Variants in TIPARP observed in about 807,000 individuals in gnomAD.
The protein encoded by TIPARP is protein mono-ADP-ribosyltransferase TIPARP.
A neutral mutation model predicts 56.5 loss-of-function variants in TIPARP; 12 were observed. The observed-to-expected ratio is 0.21, with a 90% CI of 0.14 to 0.34. The LOEUF (loss-of-function observed/expected upper bound fraction) is 0.34, where lower values mean the gene tolerates loss of function less well. Among genes scored for constraint, TIPARP ranks in the 10% least tolerant of loss-of-function variants. TIPARP has a pLI of 1.00. For synonymous variants in TIPARP, 296 were observed against 265.7 expected (o/e 1.11, Z -1.11); for missense variants, 604 against 781.6 (o/e 0.77, Z 2.71).
rs1013702284 is a variant in TIPARP, at chr3:156,694,185, C to G, written c.1083C>G (p.Pro361=). ...CRDHFGWREY[P]ESVIRLIEEA... is the part of the protein sequence containing the mutation. The stretch of plus-strand genomic sequence containing the variant: ...ACCACTTTGGATGGAGAGAGTATCC[C>G]GAGGTATTTACAGATTCTTTGTTGA... Residue 361 remains proline (P), a synonymous_variant, in exon 3 of 6, where the codon CCC becomes CCG. Coordinates refer to ENST00000295924, the MANE Select transcript of TIPARP (RefSeq NM_015508.5). 1 of 1,587,906 alleles carries G rather than the reference C, an allele frequency of 6.3e-7. No homozygotes were observed.
intron 4 of TIPARP, among the ~76,000 whole-genome samples, chr3:156,702,602 A>G (rs1722879745): frequency 6.6e-6 from 1 of 152,228 alleles, no homozygotes; most frequent in East Asian, 1.9e-4. Context: ...ACTAGGTCTC[A>G]GGGTCAGGAT....
At chr3:156,695,826 CT>C (rs10631452) in intron 3 of TIPARP, 38 bp from the exon 4 acceptor site, 6,038 of 1,015,362 alleles carry the variant, frequency 5.9e-3, no homozygotes, top group East Asian at 0.013. Flanking sequence ...ATTAACTTTC[CT>C]TTTTTTTTTT....
intron 2 of TIPARP, among the ~76,000 whole-genome samples, chr3:156,686,921 A>G (rs989083149): frequency 2.0e-5 from 3 of 152,108 alleles, no homozygotes; most frequent in East Asian, 1.9e-4. Flanking sequence ...GTCAAAGTCT[A>G]TATTCAAAAA....
chr3:156,694,055 A>G lies in TIPARP; in HGVS notation c.953A>G (p.Asn318Ser). The change falls in exon 3 of 6, where the codon AAC (asparagine) becomes AGC (serine). Residue 318 changes from asparagine (N) to serine (S), a missense_variant. Coordinates refer to ENST00000295924, the MANE Select transcript of TIPARP (RefSeq NM_015508.5). Reference sequence around the variant, plus strand: ...TTTTGGGCAGATTTGAATGCCATGAACGTGTATGAAACAACTGAATTTGAC... The same window carrying G: ...TTTTGGGCAGATTTGAATGCCATGAGCGTGTATGAAACAACTGAATTTGAC... ...QEFWADLNAM[N>S]VYETTEFDQL... 1 of 1,612,384 alleles carries G rather than the reference A, an allele frequency of 6.2e-7. No homozygotes were observed. The highest frequency in any genetic ancestry group is 8.5e-7 in the Non-Finnish European group (1 of 1,179,314).
At chr3:156,693,997 T>G (rs759878811) in intron 2 of TIPARP, 23 bp from the exon 3 acceptor site, 1 of 1,570,490 alleles carries the variant, frequency 6.4e-7, no homozygotes, top group Admixed American at 2.1e-5. Flanking sequence ...TTTTGGGTTT[T>G]TTTTGTTTTT....
At position 156,677,784 on chromosome 3, in the gene TIPARP, C is replaced by G; in HGVS notation, c.87C>G (p.Leu29=). The G allele has an allele frequency of 3.7e-6, 6 of 1,614,106 alleles. No homozygotes were observed. Among genetic ancestry groups the G allele is most frequent in the Non-Finnish European group, 5.1e-6 (6 of 1,180,024 alleles). ...ATGACTTTTCATGCCAAATGAGACT[C>G]TCTGAGAAGATCACTCCATTGAAGA... is the stretch of plus-strand genomic sequence containing the variant. The part of the protein sequence containing the change: ...PPDDFSCQMR[L]SEKITPLKTC... Residue 29 remains leucine, a synonymous_variant, in exon 2 of 6, where the codon CTC becomes CTG. Transcript: ENST00000295924.
chr3:156,682,513 C>A (rs1006888972), intron 2 of TIPARP, among the ~76,000 whole-genome samples: 11 of 152,108 alleles, frequency 7.2e-5, no homozygotes, highest in African/African-American at 2.4e-4. Context: ...CACAGAAACT[C>A]TATATAAAAG....
intron 2 of TIPARP, 129 bp from the exon 3 acceptor site, chr3:156,693,891 A>G (rs894740819): frequency 9.3e-6 from 10 of 1,076,324 alleles, no homozygotes; most frequent in Non-Finnish European, 1.3e-5. Context: ...CTCCAAGTAA[A>G]GCAAGTTTTG....
At chr3:156,684,763 A>T (rs1722391380) in intron 2 of TIPARP, among the ~76,000 whole-genome samples, 1 of 152,174 alleles carries the variant, frequency 6.6e-6, no homozygotes. Context: ...AAAACTAAAT[A>T]GGGCTTATTT....
Position 156,678,190 on chromosome 3 carries a change from C to T in TIPARP, c.493C>T (p.His165Tyr). Residue 165 changes from histidine (H) to tyrosine (Y), a missense_variant, in exon 2 of 6, where the codon CAC becomes TAC. Physicochemically the swap from His to Tyr is moderately conservative, Grantham distance 83 (BLOSUM62 2). This residue lies in a region of TIPARP where 261 missense variants were observed against 279.2 expected (regional missense o/e 0.93). Coordinates refer to ENST00000295924, the MANE Select transcript of TIPARP (RefSeq NM_015508.5). The stretch of plus-strand genomic sequence containing the variant: ...AGCTCACTTCCAGACTGATCTTTTG[C>T]ACCCAGTTTCAAGTGATGTTCCTAC... ...TPAHFQTDLL[H>Y]PVSSDVPTSP... 1 of 1,614,120 alleles carries T rather than the reference C, an allele frequency of 6.2e-7. No individual in the cohort carries two copies. Among genetic ancestry groups the T allele is most frequent in the Non-Finnish European group, 8.5e-7 (1 of 1,180,040 alleles).
intron 2 of TIPARP, among the ~76,000 whole-genome samples, chr3:156,682,517 AT>A (rs1722333620): frequency 6.6e-6 from 1 of 152,232 alleles, no homozygotes; most frequent in African/African-American, 2.4e-5. Context: ...GAAACTCTAT[AT>A]AAAAGAGAAA....
chr3:156,693,418 C>A (rs2108493914), intron 2 of TIPARP, among the ~76,000 whole-genome samples: 1 of 152,218 alleles, frequency 6.6e-6, no homozygotes, highest in South Asian at 2.1e-4. Flanking sequence ...CAAAGCTAAA[C>A]CTCATAATAA....
Position 156,674,671 on chromosome 3 carries a change from G to GCGCGGCTCGCCGCGT in TIPARP, c.-158_-144dup, listed in dbSNP as rs1185875062. On this transcript the variant is annotated 5_prime_UTR_variant, in exon 1 of 6. Coordinates refer to ENST00000295924, the MANE Select transcript of TIPARP (RefSeq NM_015508.5). ...CGTTCGCGGCGGCGGAATGGCCCGTGCGCGGCTCGCCGCGTCGCGGCTCTG... is the reference window on the plus strand; with the variant it reads ...CGTTCGCGGCGGCGGAATGGCCCGTGCGCGGCTCGCCGCGTCGCGGCTCGCCGCGTCGCGGCTCTG... 1.3e-5 allele frequency: 2 copies of GCGCGGCTCGCCGCGT among 152,582 alleles called. No individual in the cohort carries two copies. Among genetic ancestry groups the GCGCGGCTCGCCGCGT allele is most frequent in the African/African-American group, 2.4e-5 (1 of 41,466 alleles). 9.5% of individuals were successfully genotyped at this position (152,582 alleles called of 1,614,324 possible). A position where few individuals can be genotyped will look rare whatever the true frequency, so the allele number is the denominator to read the frequency against.
rs34369245 is a variant in TIPARP, at chr3:156,697,039, C to T, written c.1247+1014C>T. 9.1e-3 allele frequency among the ~76,000 whole-genome samples: 1,381 copies of T among 152,164 alleles called. 10 individuals carry two copies. Among genetic ancestry groups the T allele is most frequent in the Non-Finnish European group, 0.014 (944 of 67,982 alleles). ...TAAAAATCCCTGAAATGATCAGTAT[C>T]CAAAAGAAATTTGTAGTAAGATTAA... On this transcript the variant is annotated intron_variant, in intron 4 of 5. Transcript: ENST00000295924.
At chr3:156,702,126 T>A (rs1403578481) in intron 4 of TIPARP, among the ~76,000 whole-genome samples, 3 of 151,202 alleles carry the variant, frequency 2.0e-5, no homozygotes, top group Non-Finnish European at 4.4e-5. Flanking sequence ...TAGGTTGGAA[T>A]CCTAGTATCC....
intron 4 of TIPARP, among the ~76,000 whole-genome samples, chr3:156,698,128 T>A (rs1458517697): frequency 6.6e-6 from 1 of 152,182 alleles, no homozygotes; most frequent in East Asian, 1.9e-4. Context: ...CCTAACTTTT[T>A]TCAGTTCTTT....
chr3:156,690,785 G>A (rs1722553751), intron 2 of TIPARP, among the ~76,000 whole-genome samples: 1 of 151,842 alleles, frequency 6.6e-6, no homozygotes, highest in African/African-American at 2.4e-5. Flanking sequence ...CTCTTTTTTG[G>A]CTGTCCCTCA....
chr3:156,703,404 T>C lies in TIPARP; in HGVS notation c.1248-20T>C. The C allele has an allele frequency of 6.2e-7, 1 of 1,611,234 alleles. No individual in the cohort carries two copies. The highest frequency in any genetic ancestry group is 8.5e-7 in the Non-Finnish European group (1 of 1,178,802). On this transcript the variant is annotated intron_variant, in intron 4 of 5. Transcript: ENST00000295924. Reference sequence around the variant, plus strand: ...TATTTCTTAATGTTTTACATTGATGTTTCTTCCTCTCCATTTTAGGACACT... The same window carrying C: ...TATTTCTTAATGTTTTACATTGATGCTTCTTCCTCTCCATTTTAGGACACT...
At chr3:156,680,757 A>G (rs1199854457) in intron 2 of TIPARP, among the ~76,000 whole-genome samples, 1 of 152,192 alleles carries the variant, frequency 6.6e-6, no homozygotes, top group African/African-American at 2.4e-5. Flanking sequence ...ACATAGATAT[A>G]GGCCCATAAG....
Sources: gnomAD v4.1 joint callset for allele counts (sites outside exome capture counted in the v4.1 genomes callset) on GRCh38, gnomAD v4.1.1 for gene constraint, gnomAD v4.1.1 regional missense constraint, MANE v1.5 for transcripts, NCBI Gene and HGNC (gene_info 2026-07-23, HGNC 2026-07-21) for gene names.